Variants in CIMIP5 observed in about 807,000 individuals in gnomAD.
The protein encoded by CIMIP5 is ciliary microtubule inner protein 5.
the CIMIP5 span, among the ~76,000 whole-genome samples, chr2:11,135,151 C>A: frequency 3.9e-5 from 6 of 152,180 alleles, no homozygotes. Context: ...TCCCACTAGG[C>A]CCTACCTTCA....
chr2:11,133,478 C>T, the CIMIP5 span: 8 of 1,608,670 alleles, frequency 5.0e-6, no homozygotes, highest in Non-Finnish European at 6.8e-6. Context: ...GCTGCCAGGC[C>T]CCCCAGGCTC....
the CIMIP5 span, among the ~76,000 whole-genome samples, chr2:11,154,282 T>C: frequency 6.6e-6 from 1 of 152,086 alleles, no homozygotes; most frequent in Non-Finnish European, 1.5e-5. Context: ...CCAAGCCGTT[T>C]CCTTTAAGGG....
chr2:11,153,894 A>G, the CIMIP5 span, among the ~76,000 whole-genome samples: 1 of 149,336 alleles, frequency 6.7e-6, no homozygotes, highest in South Asian at 2.2e-4. Flanking sequence ...ACTGCACTCC[A>G]GCCTGGGCGA....
At chr2:11,137,921 C>T in the CIMIP5 span, among the ~76,000 whole-genome samples, 106 of 152,350 alleles carry the variant, frequency 7.0e-4, no homozygotes, top group African/African-American at 2.4e-3. Flanking sequence ...TCTCGGCTCA[C>T]TGCAAGCTCC....
At chr2:11,143,441 G>C in the CIMIP5 span, among the ~76,000 whole-genome samples, 7 of 152,118 alleles carry the variant, frequency 4.6e-5, no homozygotes, top group Admixed American at 1.3e-4. Context: ...GGAGGTGGGG[G>C]AGGGGATCAT....
the CIMIP5 span, among the ~76,000 whole-genome samples, chr2:11,148,953 C>T: frequency 1.3e-5 from 2 of 151,738 alleles, no homozygotes; most frequent in African/African-American, 2.4e-5. Context: ...AAGCTGGTCT[C>T]GAACTCCTGA....
chr2:11,141,545 C>T, the CIMIP5 span, among the ~76,000 whole-genome samples: 2,303 of 152,296 alleles, frequency 0.015, 57 homozygotes, highest in African/African-American at 0.053. Context: ...CTAGTGCCCC[C>T]TCTTCTAGGG....
the CIMIP5 span, among the ~76,000 whole-genome samples, chr2:11,135,671 T>G: frequency 2.8e-4 from 42 of 147,662 alleles, no homozygotes; most frequent in Non-Finnish European, 5.8e-4. Flanking sequence ...TTTTTGGTTT[T>G]TTTTTTTTTT....
At chr2:11,152,703 C>A in the CIMIP5 span, among the ~76,000 whole-genome samples, 1 of 151,946 alleles carries the variant, frequency 6.6e-6, no homozygotes, top group East Asian at 1.9e-4. Context: ...CTGTAGAGAC[C>A]CCCGTCCAGA....
the CIMIP5 span, among the ~76,000 whole-genome samples, chr2:11,151,398 G>A: frequency 6.6e-6 from 1 of 152,218 alleles, no homozygotes. Context: ...GAGAGTCAGG[G>A]GGTGAGGGTG....
the CIMIP5 span, among the ~76,000 whole-genome samples, chr2:11,152,085 G>T: frequency 6.6e-6 from 1 of 152,246 alleles, no homozygotes; most frequent in Non-Finnish European, 1.5e-5. Flanking sequence ...AGAACTGGTT[G>T]AGCCAAATAA....
the CIMIP5 span, chr2:11,144,190 A>G: frequency 7.8e-7 from 1 of 1,284,536 alleles, no homozygotes; most frequent in Non-Finnish European, 1.1e-6. Context: ...AGCACCAGTC[A>G]GCTCCCCACA....
At chr2:11,134,832 C>G in the CIMIP5 span, among the ~76,000 whole-genome samples, 2 of 152,104 alleles carry the variant, frequency 1.3e-5, no homozygotes, top group Non-Finnish European at 2.9e-5. Flanking sequence ...GCATTGCTGT[C>G]AAGGAACACC....
chr2:11,139,976 A>G, the CIMIP5 span, among the ~76,000 whole-genome samples: 1 of 151,540 alleles, frequency 6.6e-6, no homozygotes, highest in Non-Finnish European at 1.5e-5. Context: ...AGTCCCAGCT[A>G]CTTGGGAGGC....
the CIMIP5 span, chr2:11,140,374 TAAAAAAA>T: frequency 6.1e-5 from 17 of 280,398 alleles, no homozygotes; most frequent in Admixed American, 1.3e-4. Context: ...GCCTCCGTCT[TAAAAAAA>T]AAAAAAAAAA....
the CIMIP5 span, chr2:11,133,575 CG>C: frequency 1.2e-6 from 2 of 1,602,332 alleles, no homozygotes; most frequent in African/African-American, 2.7e-5. Context: ...GGCCGAGCGG[CG>C]GGGCCAGCAG....
the CIMIP5 span, among the ~76,000 whole-genome samples, chr2:11,153,908 G>T: frequency 7.5e-6 from 1 of 133,906 alleles, no homozygotes. Flanking sequence ...TGGGCGACAA[G>T]AGTGAAACTC....
At chr2:11,151,709 C>T in the CIMIP5 span, among the ~76,000 whole-genome samples, 2 of 152,260 alleles carry the variant, frequency 1.3e-5, no homozygotes, top group Non-Finnish European at 2.9e-5. Flanking sequence ...GATCTCGGCC[C>T]AGTGCAACCT....
At chr2:11,144,365 C>A in the CIMIP5 span, 1 of 295,532 alleles carries the variant, frequency 3.4e-6, no homozygotes, top group Non-Finnish European at 6.2e-6. Context: ...CATGGGTGCC[C>A]CATGAAAGGG....
Sources: allele counts gnomAD v4.1 joint callset (sites outside exome capture counted in the v4.1 genomes callset), GRCh38; gene constraint gnomAD v4.1.1; transcripts MANE v1.5; gene names NCBI Gene and HGNC (gene_info 2026-07-23, HGNC 2026-07-21).